The following ARID5B variants were observed in gnomAD, a reference collection of about 807,000 sequenced individuals.
ARID5B encodes the protein AT-rich interaction domain 5B.
ARID5B carries 13 observed loss-of-function variants against 97.2 expected under a neutral mutation model. The observed-to-expected ratio is 0.13, with a 90% CI of 0.09 to 0.21. The LOEUF is 0.21. Ranked by LOEUF, ARID5B falls within the 10% of genes least tolerant of loss-of-function variation. The pLI is 1.00. For synonymous variants in ARID5B, 556 were observed against 570.3 expected (o/e 0.97, Z 0.36); for missense variants, 1,210 against 1,465.3 (o/e 0.83, Z 2.84).
intron 3 of ARID5B, among the ~76,000 whole-genome samples, chr10:61,991,877 A>G (rs1030870454): frequency 1.3e-5 from 2 of 152,044 alleles, no homozygotes; most frequent in Non-Finnish European, 2.9e-5. Context: ...TAAAAATACA[A>G]AAAAATTAGC....
chr10:61,930,184 T>C (rs1844179111), intron 2 of ARID5B, among the ~76,000 whole-genome samples: 1 of 152,110 alleles, frequency 6.6e-6, no homozygotes, highest in African/African-American at 2.4e-5. Flanking sequence ...ATTTTCCCAG[T>C]TGGGAGATGG....
intron 2 of ARID5B, among the ~76,000 whole-genome samples, chr10:61,904,801 T>C (rs777895182): frequency 6.6e-6 from 1 of 152,252 alleles, no homozygotes; most frequent in Non-Finnish European, 1.5e-5. Flanking sequence ...CTCAAAATTA[T>C]GCAAATGCAG....
intron 7 of ARID5B, among the ~76,000 whole-genome samples, 156 bp from the exon 8 acceptor site, chr10:62,069,544 A>G (rs549048786): frequency 8.5e-5 from 13 of 152,330 alleles, no homozygotes; most frequent in African/African-American, 1.7e-4. Context: ...AGATCTCACT[A>G]TGAAACCATA....
chr10:61,998,778 G>A (rs1315426851), intron 3 of ARID5B, among the ~76,000 whole-genome samples: 2 of 152,214 alleles, frequency 1.3e-5, no homozygotes, highest in Non-Finnish European at 2.9e-5. Flanking sequence ...AAAGAGAGGA[G>A]TATGGGTATG....
chr10:62,046,307 T>A (rs1197823689), intron 4 of ARID5B, among the ~76,000 whole-genome samples: 1 of 152,194 alleles, frequency 6.6e-6, no homozygotes, highest in African/African-American at 2.4e-5. Context: ...CCCTTTGTTT[T>A]ATTATTATTA....
chr10:62,028,524 C>A (rs1407360829), intron 4 of ARID5B, among the ~76,000 whole-genome samples: 1 of 152,192 alleles, frequency 6.6e-6, no homozygotes, highest in Non-Finnish European at 1.5e-5. Context: ...CACTCATTGT[C>A]ACTCACCACC....
chr10:61,943,078 G>A (rs1310444684), intron 3 of ARID5B, among the ~76,000 whole-genome samples: 1 of 152,118 alleles, frequency 6.6e-6, no homozygotes, highest in African/African-American at 2.4e-5. Context: ...TTTTGTAATT[G>A]GAATGCACAC....
At chr10:61,988,682 A>ATAAC (rs1247734423) in intron 3 of ARID5B, among the ~76,000 whole-genome samples, 1 of 152,132 alleles carries the variant, frequency 6.6e-6, no homozygotes, top group Non-Finnish European at 1.5e-5. Flanking sequence ...TGTACACAGA[A>ATAAC]CAACCTCATT....
chr10:62,000,159 C>A lies in ARID5B; in HGVS notation c.571C>A (p.Leu191Met). ...YPQYCRYRSMLKRIQDKPSSI... is the reference protein window; with the variant it reads ...YPQYCRYRSMMKRIQDKPSSI... ...CCAGTACTGCCGGTACCGCTCGATGCTGAAACGCATCCAGGATAAGCCATC... is the reference window on the plus strand; with the variant it reads ...CCAGTACTGCCGGTACCGCTCGATGATGAAACGCATCCAGGATAAGCCATC... The change falls in exon 4 of 10, where the codon CTG becomes ATG. Residue 191 changes from leucine to methionine, a missense_variant. Transcript: ENST00000279873. This position sits in a 1 kb window ranked among gnomAD's most constrained non-coding sequence, Gnocchi z 4.4. 1 of 1,614,020 alleles carries A rather than the reference C, an allele frequency of 6.2e-7. No homozygotes were observed. The highest frequency in any genetic ancestry group is 8.5e-7 in the Non-Finnish European group (1 of 1,179,940).
At chr10:62,042,532 A>G (rs946113769) in intron 4 of ARID5B, among the ~76,000 whole-genome samples, 7 of 152,160 alleles carry the variant, frequency 4.6e-5, no homozygotes, top group African/African-American at 1.2e-4. Flanking sequence ...GTGCAGTATC[A>G]GCTCCTAGAT....
At chr10:61,936,473 C>A (rs891509842) in intron 2 of ARID5B, among the ~76,000 whole-genome samples, 50 of 152,212 alleles carry the variant, frequency 3.3e-4, no homozygotes, top group African/African-American at 1.2e-3. Context: ...CAAAGATTAG[C>A]CAGGCGTGAT....
Position 61,902,260 on chromosome 10 carries a change from T to C in ARID5B, c.123T>C (p.Phe41=), listed in dbSNP as rs368507255. 1 of 1,614,082 alleles carries C rather than the reference T, an allele frequency of 6.2e-7. No individual in the cohort carries two copies. Among genetic ancestry groups the C allele is most frequent in the Non-Finnish European group, 8.5e-7 (1 of 1,180,052 alleles). Residue 41 remains phenylalanine, a synonymous_variant, in exon 2 of 10, where the codon TTT becomes TTC. Transcript: ENST00000279873. The part of the protein sequence containing the change: ...GKPRILSLGD[F]FFVRCTPKDP... ...CAAGAATTTTGTCCCTTGGCGACTT[T>C]TTCTTTGTAAGATGTACGCCAAAGG... is the stretch of plus-strand genomic sequence containing the variant.
At chr10:61,913,087 C>A (rs2132760822) in intron 2 of ARID5B, among the ~76,000 whole-genome samples, 1 of 152,212 alleles carries the variant, frequency 6.6e-6, no homozygotes, top group African/African-American at 2.4e-5. Context: ...TGGCAGTGTT[C>A]TGGTTGGAAA....
intron 4 of ARID5B, among the ~76,000 whole-genome samples, chr10:62,016,791 T>C (rs970744416): frequency 4.6e-5 from 7 of 152,190 alleles, no homozygotes; most frequent in Non-Finnish European, 1.0e-4. Context: ...TATAAATATT[T>C]GGGGTGTTTC....
At chr10:62,070,024 C>A (rs1415353168) in intron 8 of ARID5B, among the ~76,000 whole-genome samples, 1 of 148,064 alleles carries the variant, frequency 6.8e-6, no homozygotes, top group African/African-American at 2.4e-5. Flanking sequence ...CATGTGACCA[C>A]CTGCCTGACA....
At chr10:62,023,980 ATTT>A (rs994195949) in intron 4 of ARID5B, among the ~76,000 whole-genome samples, 23 of 152,304 alleles carry the variant, frequency 1.5e-4, no homozygotes, top group African/African-American at 4.1e-4. Context: ...GAAAACTCTG[ATTT>A]AAGTGCCTGC....
intron 3 of ARID5B, among the ~76,000 whole-genome samples, chr10:61,965,665 G>T (rs4948494): frequency 1.3e-5 from 2 of 151,812 alleles, no homozygotes; most frequent in Admixed American, 6.6e-5. Context: ...AGTTCCCAAG[G>T]GTTCTATTTT....
chr10:61,950,881 T>A (rs1203799457), intron 3 of ARID5B, among the ~76,000 whole-genome samples: 1 of 152,194 alleles, frequency 6.6e-6, no homozygotes, highest in Non-Finnish European at 1.5e-5. Flanking sequence ...CATGATAGCA[T>A]CACCTTGGAA....
Position 62,092,692 on chromosome 10 carries a change from A to G in ARID5B, c.3229A>G (p.Ile1077Val), listed in dbSNP as rs771935665. The G allele has an allele frequency of 5.6e-6, 9 of 1,613,838 alleles. No individual in the cohort carries two copies. The highest frequency in any genetic ancestry group is 2.2e-5 in the South Asian group (2 of 91,062). Reference sequence around the variant, plus strand: ...CCACAAGCTTCCCCTCTCCTCCCCTATCTTCCCAGGTCTGTATTCCGGGAG... The same window carrying G: ...CCACAAGCTTCCCCTCTCCTCCCCTGTCTTCCCAGGTCTGTATTCCGGGAG... ...EGHKLPLSSP[I>V]FPGLYSGSLC... Residue 1077 changes from isoleucine to valine, a missense_variant, in exon 10 of 10, where the codon ATC becomes GTC. Ile to Val is a conservative substitution (Grantham distance 29). Around this residue, in one of 8 missense-constraint regions of ARID5B, gnomAD observed 800 missense variants for 839.1 expected, o/e 0.95. Transcript: ENST00000279873.
Sources: gnomAD v4.1 joint callset for allele counts (sites outside exome capture counted in the v4.1 genomes callset) on GRCh38, gnomAD v4.1.1 for gene constraint, gnomAD v4.1.1 regional missense constraint, Gnocchi (gnomAD v3.1) non-coding constraint, MANE v1.5 for transcripts, NCBI Gene and HGNC (gene_info 2026-07-23, HGNC 2026-07-21) for gene names.